The following AXL variants were observed in gnomAD, a reference collection of about 807,000 sequenced individuals.
AXL encodes the protein tyrosine-protein kinase receptor UFO.
A neutral mutation model predicts 104.5 loss-of-function variants in AXL; 52 were observed. The observed-to-expected ratio is 0.50, with a 90% CI of 0.40 to 0.63. The LOEUF (loss-of-function observed/expected upper bound fraction) is 0.63. Ranked by LOEUF, AXL falls within the 20% of genes least tolerant of loss-of-function variation. The pLI is 0.00. For missense variants in AXL, 1,024 were observed against 1,188.5 expected, an observed-to-expected ratio of 0.86 and a Z score of 2.04; for synonymous variants, 455 against 473.7, an observed-to-expected ratio of 0.96 and a Z score of 0.51.
rs4802114 is a variant in AXL at position 41,235,373 on chromosome 19, G to A, written c.784-2571G>A. Among the ~76,000 whole-genome samples the A allele has an allele frequency of 3.4e-3, 92 of 27,374 alleles. 1 individual carries two copies. The highest frequency in any genetic ancestry group is 4.0e-3 in the Non-Finnish European group (52 of 13,086). The allele number at this position is 27,374 out of a possible 152,430, so 18.0% of individuals were successfully genotyped here. Reference sequence around the variant, plus strand: ...TCTCAAATAAATAAATAAATAAATAGATAGATAGATAGATAGATAGATAGA... The same window carrying A: ...TCTCAAATAAATAAATAAATAAATAAATAGATAGATAGATAGATAGATAGA... On this transcript the variant is annotated intron_variant, in intron 6 of 19. Coordinates refer to ENST00000301178, the MANE Select transcript of AXL (RefSeq NM_021913.5).
chr19:41,257,741 A>C, intron 19 of AXL, 112 bp downstream of exon 19: 64 of 1,362,414 alleles, frequency 4.7e-5, no homozygotes, highest in East Asian at 7.0e-5. Context: ...ATCCCTGAGA[A>C]TGCTGAGTGA....
chr19:41,239,590 ACACCCTCACTCCCTTACCCG>A (rs1179013593), intron 9 of AXL, 84 bp from the exon 10 acceptor site: 2 of 1,385,302 alleles, frequency 1.4e-6, no homozygotes, highest in African/African-American at 4.1e-5. Context: ...TACTCGTGCC[ACACCCTCACTCCCTTACCCG>A]TGCCACACCC....
intron 15 of AXL, 68 bp downstream of exon 15, chr19:41,252,511 C>A: frequency 6.5e-7 from 1 of 1,545,794 alleles, no homozygotes; most frequent in Non-Finnish European, 8.9e-7. Context: ...AAGAGCCCTG[C>A]TTCTGGCCCT....
chr19:41,242,174 C>A (rs768174842), intron 10 of AXL, among the ~76,000 whole-genome samples: 3 of 152,114 alleles, frequency 2.0e-5, no homozygotes, highest in Non-Finnish European at 4.4e-5. Flanking sequence ...CCATTCCACT[C>A]TTCTGTTTTT....
intron 14 of AXL, among the ~76,000 whole-genome samples, chr19:41,249,494 G>A (rs1475648150): frequency 4.0e-5 from 6 of 151,182 alleles, no homozygotes; most frequent in East Asian, 2.0e-4. Context: ...GGTGGCTCAC[G>A]TCTGTAATCC....
chr19:41,230,351 CTGTGTG>C, intron 4 of AXL, among the ~76,000 whole-genome samples: 1 of 146,854 alleles, frequency 6.8e-6, no homozygotes, highest in Non-Finnish European at 1.5e-5. Flanking sequence ...GCGCCTGTGC[CTGTGTG>C]TGTGTCTGAG....
intron 12 of AXL, among the ~76,000 whole-genome samples, chr19:41,247,895 T>TTTTTATTTTA (rs145835287): frequency 3.4e-4 from 49 of 146,024 alleles, no homozygotes; most frequent in Middle Eastern, 3.5e-3. Flanking sequence ...AAAAGAAATA[T>TTTTTATTTTA]TTTTATTTTA....
chr19:41,226,193 G>A (rs1313174368), intron 4 of AXL, among the ~76,000 whole-genome samples: 1 of 152,202 alleles, frequency 6.6e-6, no homozygotes, highest in Non-Finnish European at 1.5e-5. Flanking sequence ...TGCCCCCGGT[G>A]ACTCACGCGG....
intron 4 of AXL, among the ~76,000 whole-genome samples, chr19:41,224,604 G>A (rs574399029): frequency 1.4e-4 from 21 of 152,226 alleles, no homozygotes; most frequent in African/African-American, 4.6e-4. Flanking sequence ...GGCTGCTCTT[G>A]AACTCCTGGC....
chr19:41,231,345 C>G (rs1325682156), intron 6 of AXL, 47 bp downstream of exon 6: 1 of 1,514,628 alleles, frequency 6.6e-7, no homozygotes, highest in Non-Finnish European at 9.1e-7. Context: ...CCTCCTTCCA[C>G]CCACATCCAC....
chr19:41,245,213 C>T (rs2034251517), intron 12 of AXL, among the ~76,000 whole-genome samples: 1 of 152,156 alleles, frequency 6.6e-6, no homozygotes, highest in Non-Finnish European at 1.5e-5. Context: ...CACGCCTGGC[C>T]TGAAGTCTAT....
Position 41,231,187 on chromosome 19 carries a change from C to A in AXL, c.672C>A (p.Leu224=). The A allele has an allele frequency of 6.2e-7, 1 of 1,611,502 alleles. No homozygotes were observed. The highest frequency in any genetic ancestry group is 8.5e-7 in the Non-Finnish European group (1 of 1,178,628). ...ATCTCTCCCGTTTGTCCACAGTGCTCCCCCAGCAGCCCCGTAACCTCCACC... is the reference window on the plus strand; with the variant it reads ...ATCTCTCCCGTTTGTCCACAGTGCTACCCCAGCAGCCCCGTAACCTCCACC... ...TTSRTATITV[L]PQQPRNLHLV... Residue 224 remains leucine (L), a synonymous_variant, in exon 6 of 20, where the codon CTC becomes CTA. Coordinates refer to ENST00000301178, the MANE Select transcript of AXL (RefSeq NM_021913.5).
At chr19:41,237,168 C>T (rs2034094798) in intron 6 of AXL, among the ~76,000 whole-genome samples, 1 of 152,180 alleles carries the variant, frequency 6.6e-6, no homozygotes, top group Non-Finnish European at 1.5e-5. Flanking sequence ...CACCCTTCTG[C>T]TTCTAGAACA....
At chr19:41,238,750 A>G (rs190377856) in intron 8 of AXL, 141 bp downstream of exon 8, 1 of 1,274,994 alleles carries the variant, frequency 7.8e-7, no homozygotes. Context: ...GAAGGTTCAC[A>G]TTCACATTCT....
intron 16 of AXL, 74 bp from the exon 17 acceptor site, chr19:41,253,525 C>A: frequency 8.8e-7 from 1 of 1,130,250 alleles, no homozygotes; most frequent in Non-Finnish European, 1.3e-6. Flanking sequence ...TAGGCTTGCA[C>A]AGAGGGATGG....
At chr19:41,220,969 C>A in intron 2 of AXL, 111 bp downstream of exon 2, 1 of 1,324,618 alleles carries the variant, frequency 7.5e-7, no homozygotes, top group Non-Finnish European at 1.0e-6. Context: ...CGGCTTTGAG[C>A]ATGTGATGGA....
At position 41,257,564 on chromosome 19, in the gene AXL, C is replaced by T. The variant is rs117626938; in HGVS notation, c.2268C>T (p.Ser756=). Residue 756 remains serine (S), a synonymous_variant, in exon 19 of 20, where the codon AGC becomes AGT. Transcript: ENST00000301178. ...CCCCATATCCGGGCGTGGAGAACAGCGAGATTTATGACTATCTGCGCCAGG... is the reference window on the plus strand; with the variant it reads ...CCCCATATCCGGGCGTGGAGAACAGTGAGATTTATGACTATCTGCGCCAGG... ...GQTPYPGVEN[S]EIYDYLRQGN... The T allele has an allele frequency of 7.4e-4, 1,187 of 1,614,096 alleles. 1 individual carries two copies. Among genetic ancestry groups the T allele is most frequent in the Non-Finnish European group, 9.3e-4 (1,094 of 1,180,016 alleles).
At chr19:41,236,986 G>A (rs965673531) in intron 6 of AXL, among the ~76,000 whole-genome samples, 2 of 151,828 alleles carry the variant, frequency 1.3e-5, no homozygotes, top group East Asian at 1.9e-4. Flanking sequence ...TAGTGTTAGC[G>A]TATTTTATGT....
intron 12 of AXL, among the ~76,000 whole-genome samples, chr19:41,244,441 C>T (rs1160526858): frequency 6.6e-6 from 1 of 151,946 alleles, no homozygotes; most frequent in East Asian, 1.9e-4. Flanking sequence ...CTCGTTTAAC[C>T]CTCAGAGCAA....
Sources: allele counts gnomAD v4.1 joint callset (sites outside exome capture counted in the v4.1 genomes callset), GRCh38; gene constraint gnomAD v4.1.1; transcripts MANE v1.5; gene names NCBI Gene and HGNC (gene_info 2026-07-23, HGNC 2026-07-21).